Variants in HCN1 observed in about 807,000 individuals in gnomAD.
HCN1 encodes hyperpolarization activated cyclic nucleotide gated potassium channel 1, also known as potassium/sodium hyperpolarization-activated cyclic nucleotide-gated channel 1.
In HCN1, 13 loss-of-function variants were observed where a neutral mutation model predicts 78.9. That is an observed-to-expected ratio of 0.16 (90% CI 0.11 to 0.26). The LOEUF (loss-of-function observed/expected upper bound fraction) is 0.26. Ranked by LOEUF, HCN1 falls within the 10% of genes least tolerant of loss-of-function variation. The pLI, the probability that HCN1 is intolerant of heterozygous loss-of-function variation, is 1.00. For missense variants in HCN1, 810 were observed against 1,154.3 expected (o/e 0.70, Z 4.32); for synonymous variants, 552 against 455.5 (o/e 1.21, Z -2.70).
At chr5:45,685,949 A>G (rs985225572) in intron 1 of HCN1, among the ~76,000 whole-genome samples, 1 of 152,150 alleles carries the variant, frequency 6.6e-6, no homozygotes, top group African/African-American at 2.4e-5. Flanking sequence ...CAAACAACTA[A>G]CATGCCTTAA....
rs543137044 is a variant in HCN1, at chr5:45,632,608, G to C, written c.849+12577C>G. On this transcript the variant is annotated intron_variant, in intron 2 of 7. Coordinates refer to ENST00000303230, the MANE Select transcript of HCN1 (RefSeq NM_021072.4). ...GTATTATTATCTAACCCGAAATTCT[G>C]GTTAATTTCACTGCCTGCTATTTCT... 1.5e-4 allele frequency among the ~76,000 whole-genome samples: 23 copies of C among 152,006 alleles called. No individual in the cohort carries two copies. The South Asian group carries it at 3.1e-3, about 21-fold the overall frequency.
At chr5:45,306,556 T>C (rs902895624) in intron 5 of HCN1, among the ~76,000 whole-genome samples, 3 of 152,128 alleles carry the variant, frequency 2.0e-5, no homozygotes, top group Non-Finnish European at 2.9e-5. Context: ...AAAATGGTAA[T>C]GAGACAGAAT....
At chr5:45,385,300 T>TA (rs1747889517) in intron 4 of HCN1, among the ~76,000 whole-genome samples, 1 of 152,158 alleles carries the variant, frequency 6.6e-6, no homozygotes, top group African/African-American at 2.4e-5. Flanking sequence ...ATTACCACTG[T>TA]AACTGCATAA....
chr5:45,536,700 A>T (rs1244934609), intron 2 of HCN1, among the ~76,000 whole-genome samples: 1 of 152,154 alleles, frequency 6.6e-6, no homozygotes, highest in African/African-American at 2.4e-5. Flanking sequence ...TCTTGAGTAT[A>T]GGTTAATTTT....
rs562981407 is a variant in HCN1, at chr5:45,412,659, C to T, written c.1012-15949G>A. Among the ~76,000 whole-genome samples the T allele has an allele frequency of 6.6e-5, 10 of 152,068 alleles. No individual in the cohort carries two copies. In the South Asian group the frequency reaches 1.2e-3, roughly 19 times the overall value. ...TCTCTGGAAGGCTGTTATTTGAATGCGTGTATGTTGCATTTAAGTCAGTAT... is the reference window on the plus strand; with the variant it reads ...TCTCTGGAAGGCTGTTATTTGAATGTGTGTATGTTGCATTTAAGTCAGTAT... On this transcript the variant is annotated intron_variant, in intron 3 of 7. Transcript: ENST00000303230.
At chr5:45,670,906 C>A (rs1746138871) in intron 1 of HCN1, among the ~76,000 whole-genome samples, 1 of 151,540 alleles carries the variant, frequency 6.6e-6, no homozygotes. Context: ...CAGATTCAAA[C>A]AAATATTCAT....
chr5:45,685,152 G>A (rs1014510744), intron 1 of HCN1, among the ~76,000 whole-genome samples: 1 of 151,952 alleles, frequency 6.6e-6, no homozygotes, highest in Admixed American at 6.6e-5. Context: ...TGTTAAACAT[G>A]ACAATAAAAA....
intron 2 of HCN1, among the ~76,000 whole-genome samples, chr5:45,503,138 C>T (rs1268339219): frequency 2.0e-5 from 3 of 152,190 alleles, no homozygotes; most frequent in Admixed American, 6.5e-5. Flanking sequence ...CAGAATATCA[C>T]TGTTTTGCAA....
At chr5:45,391,418 T>C (rs1193218683) in intron 4 of HCN1, among the ~76,000 whole-genome samples, 1 of 152,164 alleles carries the variant, frequency 6.6e-6, no homozygotes, top group Non-Finnish European at 1.5e-5. Context: ...CTTGATGTAA[T>C]GAAGATGGGC....
intron 2 of HCN1, among the ~76,000 whole-genome samples, chr5:45,640,025 G>T (rs1745422531): frequency 6.6e-6 from 1 of 152,070 alleles, no homozygotes; most frequent in Admixed American, 6.6e-5. Context: ...TGTTCAGCCT[G>T]GTAATCCATT....
chr5:45,468,124 T>A (rs1686346109), intron 2 of HCN1, among the ~76,000 whole-genome samples: 2 of 152,164 alleles, frequency 1.3e-5, no homozygotes, highest in African/African-American at 4.8e-5. Context: ...AATGTGAAGA[T>A]ACTTCAGGCT....
intron 1 of HCN1, among the ~76,000 whole-genome samples, chr5:45,648,651 C>G (rs1365782032): frequency 6.7e-6 from 1 of 150,092 alleles, no homozygotes; most frequent in African/African-American, 2.5e-5. Flanking sequence ...TACCTAATTG[C>G]CCATGAGTCT....
chr5:45,415,968 T>C (rs959779134), intron 3 of HCN1, among the ~76,000 whole-genome samples: 10 of 152,142 alleles, frequency 6.6e-5, no homozygotes, highest in African/African-American at 2.4e-4. Context: ...AAGCCAGATG[T>C]CTTCATCTGA....
At chr5:45,296,252 C>T (rs1745491762) in intron 6 of HCN1, among the ~76,000 whole-genome samples, 1 of 151,918 alleles carries the variant, frequency 6.6e-6, no homozygotes, top group Non-Finnish European at 1.5e-5. Context: ...AAACACACCT[C>T]AGCAAATAGA....
At chr5:45,580,540 TG>T (rs1286165079) in intron 2 of HCN1, among the ~76,000 whole-genome samples, 1 of 152,082 alleles carries the variant, frequency 6.6e-6, no homozygotes. Context: ...TTTTTTGTTT[TG>T]TTTTGTTTAT....
intron 5 of HCN1, among the ~76,000 whole-genome samples, chr5:45,330,419 C>T (rs1238930340): frequency 6.6e-6 from 1 of 150,728 alleles, no homozygotes; most frequent in Non-Finnish European, 1.5e-5. Context: ...CACAAGACAC[C>T]ATCATATATA....
At chr5:45,491,578 C>A (rs1035229347) in intron 2 of HCN1, among the ~76,000 whole-genome samples, 2 of 152,044 alleles carry the variant, frequency 1.3e-5, no homozygotes, top group Non-Finnish European at 2.9e-5. Context: ...TTTTTGATTT[C>A]CTGTATGCCT....
intron 1 of HCN1, among the ~76,000 whole-genome samples, chr5:45,646,454 T>C (rs1213920193): frequency 6.8e-6 from 1 of 146,996 alleles, no homozygotes; most frequent in Non-Finnish European, 1.5e-5. Context: ...CACTGAAACC[T>C]CCGCCTCCCA....
At chr5:45,395,472 T>A (rs1179663279) in intron 4 of HCN1, among the ~76,000 whole-genome samples, 2 of 152,172 alleles carry the variant, frequency 1.3e-5, no homozygotes, top group Non-Finnish European at 2.9e-5. Flanking sequence ...CTGTAATAGC[T>A]AGTGGCAGTA....
Sources: allele counts gnomAD v4.1 joint callset (sites outside exome capture counted in the v4.1 genomes callset), GRCh38; gene constraint gnomAD v4.1.1; transcripts MANE v1.5; gene names NCBI Gene and HGNC (gene_info 2026-07-23, HGNC 2026-07-21).